The following LETM1 variants were observed in gnomAD, a reference collection of about 807,000 sequenced individuals.
LETM1 encodes mitochondrial proton/calcium exchanger protein.
In LETM1, 50 loss-of-function variants were observed where a neutral mutation model predicts 74.5. The ratio of observed to expected loss-of-function variants is 0.67; its 90% CI spans 0.53 to 0.85. The LOEUF (loss-of-function observed/expected upper bound fraction) is 0.85. Among genes scored for constraint, LETM1 ranks in the 40% least tolerant of loss-of-function variants. The pLI is 0.00. For missense variants in LETM1, 824 were observed against 967.8 expected (o/e 0.85, Z 1.97); for synonymous variants, 446 against 407.1 (o/e 1.10, Z -1.15).
chr4:1,841,301 T>A (rs1257887423), intron 3 of LETM1, 46 bp downstream of exon 3: 3 of 1,551,582 alleles, frequency 1.9e-6, no homozygotes, highest in Admixed American at 1.7e-5. Flanking sequence ...CCAGCCTGGG[T>A]GATAGAGCAA....
At chr4:1,827,897 G>C (rs1262060477) in intron 6 of LETM1, among the ~76,000 whole-genome samples, 1 of 150,522 alleles carries the variant, frequency 6.6e-6, no homozygotes, top group Non-Finnish European at 1.5e-5. Flanking sequence ...CCTCCCGGAC[G>C]GGGCGGCTGG....
chr4:1,832,274 C>A (rs1472386598), intron 6 of LETM1, among the ~76,000 whole-genome samples: 1 of 151,996 alleles, frequency 6.6e-6, no homozygotes, highest in Non-Finnish European at 1.5e-5. Context: ...TGCACTCCAA[C>A]CTGGGCAACA....
Position 1,823,144 on chromosome 4 carries a change from G to A in LETM1, c.1333-13C>T. 2.5e-6 allele frequency: 4 copies of A among 1,574,246 alleles called. No homozygotes were observed. The highest frequency in any genetic ancestry group is 2.6e-6 in the Non-Finnish European group (3 of 1,156,154). ...GTGCTTCCTTTGCCTTCAGAAGAGG[G>A]TACATCTGTGGGTGAGCCCAGAAGC... On this transcript the variant is annotated splice_polypyrimidine_tract_variant and intron_variant, in intron 8 of 13. Transcript: ENST00000302787.
At chr4:1,840,284 G>A (rs1712640879) in intron 3 of LETM1, among the ~76,000 whole-genome samples, 1 of 152,210 alleles carries the variant, frequency 6.6e-6, no homozygotes, top group Non-Finnish European at 1.5e-5. Context: ...GGCTGAGGCA[G>A]GAGAATCACT....
intron 2 of LETM1, 101 bp from the exon 3 acceptor site, chr4:1,841,898 C>T (rs1712714823): frequency 2.4e-6 from 2 of 822,016 alleles, no homozygotes; most frequent in East Asian, 5.3e-5. Flanking sequence ...TGCCCCGTGC[C>T]ATGCCATGTC....
chr4:1,830,475 C>T lies in LETM1; in HGVS notation c.1080+2269G>A, dbSNP rs117791181. On this transcript the variant is annotated intron_variant, in intron 6 of 13. Transcript: ENST00000302787. ...CCTCCTGAGTAGCTGGAGCTACAGGCGCAAGTCATCAAGCCCAGCTAATTT... is the reference window on the plus strand; with the variant it reads ...CCTCCTGAGTAGCTGGAGCTACAGGTGCAAGTCATCAAGCCCAGCTAATTT... 3.3e-5 allele frequency among the ~76,000 whole-genome samples: 5 copies of T among 152,196 alleles called. No homozygotes were observed. The East Asian group carries it at 9.7e-4, about 29-fold the overall frequency.
chr4:1,841,364 G>C lies in LETM1; in HGVS notation c.577C>G (p.Arg193Gly). Residue 193 changes from arginine to glycine, a missense_variant, in exon 3 of 14, where the codon CGC becomes GGC. Transcript: ENST00000302787. ...CCCATTACCTGCCTGCGCTCCCGGC[G>C]GGTCAGGCTGTGGCCGTTGAGGATG... is the stretch of plus-strand genomic sequence containing the variant. ...WRILNGHSLT[R>G]RERRQFLRIC... 1 of 1,612,462 alleles carries C rather than the reference G, an allele frequency of 6.2e-7. No homozygotes were observed. The highest frequency in any genetic ancestry group is 8.5e-7 in the Non-Finnish European group (1 of 1,178,682).
In LETM1 at chr4:1,849,827, C is replaced by T. The variant is rs574636936; in HGVS notation, c.83-618G>A. ...TCTCCCAAAGTGTTGGGATTACAGG[C>T]GTGAGCCACCACTCCCAGCCTGAAA... is the stretch of plus-strand genomic sequence containing the variant. On this transcript the variant is annotated intron_variant, in intron 1 of 13. Transcript: ENST00000302787. 9.3e-4 allele frequency among the ~76,000 whole-genome samples: 141 copies of T among 151,736 alleles called. 1 individual carries two copies. Among genetic ancestry groups the T allele is most frequent in the African/African-American group, 3.3e-3 (135 of 41,444 alleles).
At position 1,838,231 on chromosome 4, in the gene LETM1, T is replaced by G. The variant is rs1399678041; in HGVS notation, c.595-1659A>C. 2.0e-5 allele frequency among the ~76,000 whole-genome samples: 3 copies of G among 151,844 alleles called. No homozygotes were observed. The East Asian group carries it at 5.8e-4, about 29-fold the overall frequency. The stretch of plus-strand genomic sequence containing the variant: ...TCTCCTGCCTCAGCCTCCTGAGTAG[T>G]TGGGATTACACGCGCCCGCCACCAC... On this transcript the variant is annotated intron_variant, in intron 3 of 13. Coordinates refer to ENST00000302787, the MANE Select transcript of LETM1 (RefSeq NM_012318.3).
At chr4:1,819,503 T>C (rs1711697686) in intron 10 of LETM1, 31 bp from the exon 11 acceptor site, 1 of 1,599,726 alleles carries the variant, frequency 6.3e-7, no homozygotes, top group Non-Finnish European at 8.5e-7. Flanking sequence ...CAACAAAGCC[T>C]GAGCCAAGGG....
rs1388568418 is a variant in LETM1 at position 1,823,027 on chromosome 4, C to T, written c.1437G>A (p.Glu479=). The change falls in exon 9 of 14, where the codon GAG becomes GAA. Residue 479 remains glutamate (E), a synonymous_variant. Transcript: ENST00000302787. ...GCTTCTGCAGCTCCTTCTCACGGTG[C>T]TCCTGCTGGATGGCCGCCTCCTCCT... ...TLQEEAAIQQ[E]HREKELQKRS... is the part of the protein sequence containing the mutation. 1.2e-6 allele frequency: 2 copies of T among 1,608,460 alleles called. No homozygotes were observed. Among genetic ancestry groups the T allele is most frequent in the Non-Finnish European group, 1.7e-6 (2 of 1,176,958 alleles).
chr4:1,841,804 A>G lies in LETM1; in HGVS notation c.144-7T>C. On this transcript the variant is annotated splice_polypyrimidine_tract_variant and splice_region_variant and intron_variant, in intron 2 of 13. Coordinates refer to ENST00000302787, the MANE Select transcript of LETM1 (RefSeq NM_012318.3). ...GCAGCCAAATGGAACATTCCTTGAAAAGGGAAGAGTGGAAAACAGTAGTAA... is the reference window on the plus strand; with the variant it reads ...GCAGCCAAATGGAACATTCCTTGAAGAGGGAAGAGTGGAAAACAGTAGTAA... The G allele has an allele frequency of 6.2e-7, 1 of 1,602,766 alleles. No homozygotes were observed.
chr4:1,836,841 T>C lies in LETM1; in HGVS notation c.595-269A>G, dbSNP rs1161174170. 6.6e-6 allele frequency among the ~76,000 whole-genome samples: 1 copy of C among 151,682 alleles called. No homozygotes were observed. Among genetic ancestry groups the C allele is most frequent in the East Asian group, 1.9e-4 (1 of 5,158 alleles). ...CCACTGGGTGCTCCCAGCGATCGAG[T>C]CCTCCGAGGACACCGGCCAGCACTC... On this transcript the variant is annotated intron_variant, in intron 3 of 13. Transcript: ENST00000302787. The surrounding 1 kb of genome is among the most constrained non-coding windows in gnomAD (Gnocchi z 5.8).
rs774144881 is a variant in LETM1 at position 1,822,168 on chromosome 4, C to T, written c.1608+13G>A. 7.1e-7 allele frequency: 1 copy of T among 1,399,248 alleles called. No individual in the cohort carries two copies. The highest frequency in any genetic ancestry group is 2.6e-5 in the Admixed American group (1 of 39,022). The allele number at this position is 1,399,248 out of a possible 1,614,324, so 86.7% of individuals were successfully genotyped here. ...CTCCTCAGCCTCCAGGGCCCCAGAA[C>T]CTGCCTCATTACCTTCAAGCCCTCC... On this transcript the variant is annotated intron_variant, in intron 10 of 13. Coordinates refer to ENST00000302787, the MANE Select transcript of LETM1 (RefSeq NM_012318.3).
intron 2 of LETM1, among the ~76,000 whole-genome samples, chr4:1,844,206 T>A (rs1202070667): frequency 6.6e-6 from 1 of 152,168 alleles, no homozygotes. Flanking sequence ...CTCACCACAG[T>A]AACATCCCCC....
At position 1,833,315 on chromosome 4, in the gene LETM1, C is replaced by T. The variant is rs932967699; in HGVS notation, c.877-368G>A. 2.5e-5 allele frequency: 7 copies of T among 281,180 alleles called. No individual in the cohort carries two copies. The Admixed American group carries it at 3.3e-4, about 13-fold the overall frequency. 17.4% of individuals were successfully genotyped at this position (281,180 alleles called of 1,614,324 possible). On this transcript the variant is annotated intron_variant, in intron 5 of 13. Transcript: ENST00000302787. ...AAATACCCGACCTCAAGTCACCTGC[C>T]CAGCTTGGCCTCAAACCACTGACTT...
intron 3 of LETM1, chr4:1,839,260 G>A (rs1712602397): frequency 6.6e-6 from 1 of 152,106 alleles, no homozygotes; most frequent in African/African-American, 2.4e-5. Flanking sequence ...GGAACCTTGG[G>A]GTCAGAAGCA....
At chr4:1,854,835 G>A (rs2108859764) in intron 1 of LETM1, among the ~76,000 whole-genome samples, 1 of 152,112 alleles carries the variant, frequency 6.6e-6, no homozygotes. Flanking sequence ...CAAGAATTGG[G>A]AGGATACATT....
chr4:1,823,552 G>C (rs1174534028), intron 8 of LETM1, 92 bp downstream of exon 8: 2 of 1,525,226 alleles, frequency 1.3e-6, no homozygotes, highest in African/African-American at 2.7e-5. Context: ...CCATGGTTGA[G>C]GAATGAGTGC....
Sources: allele counts gnomAD v4.1 joint callset (sites outside exome capture counted in the v4.1 genomes callset), GRCh38; gene constraint gnomAD v4.1.1; non-coding constraint Gnocchi (gnomAD v3.1); transcripts MANE v1.5; gene names NCBI Gene and HGNC (gene_info 2026-07-23, HGNC 2026-07-21).